The following CTNNA2 variants were observed in gnomAD, a reference collection of about 807,000 sequenced individuals.
CTNNA2 encodes catenin alpha 2, also known as catenin alpha-2.
A neutral mutation model predicts 101.0 loss-of-function variants in CTNNA2; 42 were observed. The ratio of observed to expected loss-of-function variants is 0.42; its 90% CI spans 0.32 to 0.54. The LOEUF is 0.54. Ranked by LOEUF, CTNNA2 falls within the 20% of genes least tolerant of loss-of-function variation. CTNNA2 has a pLI of 0.14. For missense variants in CTNNA2, 871 were observed against 1,223.1 expected, an observed-to-expected ratio of 0.71 and a Z score of 4.29; for synonymous variants, 450 against 456.4, an observed-to-expected ratio of 0.99 and a Z score of 0.18.
chr2:79,634,973 C>T (rs1437755973), intron 1 of CTNNA2, among the ~76,000 whole-genome samples: 2 of 152,016 alleles, frequency 1.3e-5, no homozygotes, highest in Non-Finnish European at 2.9e-5. Context: ...TTCGATGGGA[C>T]AGTGACATGA....
Position 80,303,544 on chromosome 2 carries a change from C to G in CTNNA2, c.1057-89667C>G. 3.7e-6 allele frequency: 6 copies of G among 1,614,248 alleles called. No individual in the cohort carries two copies. The highest frequency in any genetic ancestry group is 4.2e-6 in the Non-Finnish European group (5 of 1,180,050). On this transcript the variant is annotated intron_variant, in intron 7 of 18. Transcript: ENST00000402739. This position sits in a 1 kb window ranked among gnomAD's most constrained non-coding sequence, Gnocchi z 7.7. ...TGTGATTGTGATCCAGATAGAGCCA[C>G]GTGAGCTGCATTAACCCCGTGAACT... is the stretch of plus-strand genomic sequence containing the variant.
intron 12 of CTNNA2, among the ~76,000 whole-genome samples, chr2:80,560,699 G>A (rs866057620): frequency 1.3e-4 from 20 of 152,202 alleles, no homozygotes; most frequent in African/African-American, 4.8e-4. Flanking sequence ...CTTTACATCT[G>A]TTTATTGAGA....
chr2:80,617,924 T>C (rs1454269830), intron 17 of CTNNA2, among the ~76,000 whole-genome samples: 2 of 151,868 alleles, frequency 1.3e-5, no homozygotes, highest in East Asian at 1.9e-4. Flanking sequence ...TTTGAATGTC[T>C]AGGTTTCCTA....
intron 3 of CTNNA2, among the ~76,000 whole-genome samples, chr2:79,844,242 G>A (rs1184453831): frequency 6.6e-6 from 1 of 152,140 alleles, no homozygotes; most frequent in Non-Finnish European, 1.5e-5. Flanking sequence ...AATGAGTCAA[G>A]ATTGAATTGT....
intron 3 of CTNNA2, among the ~76,000 whole-genome samples, chr2:79,845,815 C>A (rs999239778): frequency 6.6e-6 from 1 of 152,142 alleles, no homozygotes; most frequent in African/African-American, 2.4e-5. Context: ...TTTTTATTAG[C>A]TGTGTTTTAT....
chr2:79,339,968 T>C (rs957789254), intron 3 of CTNNA2: 2 of 152,220 alleles, frequency 1.3e-5, no homozygotes, highest in Non-Finnish European at 2.9e-5. Context: ...AGTCTGCAGA[T>C]AGGCTTGCTT....
chr2:79,478,857 G>A (rs1671079580), intron 4 of CTNNA2, among the ~76,000 whole-genome samples: 1 of 152,040 alleles, frequency 6.6e-6, no homozygotes, highest in African/African-American at 2.4e-5. Context: ...TACATCCTTT[G>A]CTCTAACAGA....
chr2:79,418,902 C>T (rs1384977263), intron 4 of CTNNA2, among the ~76,000 whole-genome samples: 1 of 152,004 alleles, frequency 6.6e-6, no homozygotes. Flanking sequence ...TATTAATATA[C>T]ACAGGTTATC....
chr2:80,590,382 G>T (rs1438425516), intron 15 of CTNNA2, among the ~76,000 whole-genome samples: 2 of 152,078 alleles, frequency 1.3e-5, no homozygotes, highest in African/African-American at 4.8e-5. Context: ...AAGAGATAAT[G>T]CAAGTATAAA....
At chr2:80,125,963 G>A (rs185307563) in intron 7 of CTNNA2, among the ~76,000 whole-genome samples, 121 of 152,272 alleles carry the variant, frequency 7.9e-4, no homozygotes, top group African/African-American at 2.9e-3. Flanking sequence ...AAGAATAAAA[G>A]CAATAATGAT....
At chr2:80,158,281 G>A (rs1192577037) in intron 7 of CTNNA2, among the ~76,000 whole-genome samples, 1 of 152,100 alleles carries the variant, frequency 6.6e-6, no homozygotes, top group Non-Finnish European at 1.5e-5. Context: ...CCCTTAAAGA[G>A]TTTTGAAATA....
chr2:79,336,076 C>T (rs10186222), intron 3 of CTNNA2, among the ~76,000 whole-genome samples: 20,077 of 152,184 alleles, frequency 0.13, 1,489 homozygotes, highest in Middle Eastern at 0.21. Flanking sequence ...AATGAGCAAA[C>T]TATGCTTTTT....
chr2:79,488,055 A>G (rs1671174082), intron 4 of CTNNA2, among the ~76,000 whole-genome samples: 1 of 152,072 alleles, frequency 6.6e-6, no homozygotes, highest in African/African-American at 2.4e-5. Context: ...AAAGACAGAC[A>G]GTGTAATCCC....
intron 7 of CTNNA2, among the ~76,000 whole-genome samples, chr2:80,388,361 C>T (rs1677206590): frequency 6.6e-6 from 1 of 152,178 alleles, no homozygotes; most frequent in Non-Finnish European, 1.5e-5. Context: ...TGGCTAAACA[C>T]ATTACAGGGC....
At chr2:80,102,613 A>T (rs1209049766) in intron 7 of CTNNA2, among the ~76,000 whole-genome samples, 1 of 152,104 alleles carries the variant, frequency 6.6e-6, no homozygotes, top group African/African-American at 2.4e-5. Context: ...CCTGGGTTCA[A>T]GTGATTTTCC....
intron 2 of CTNNA2, among the ~76,000 whole-genome samples, chr2:79,660,496 G>A (rs1426984452): frequency 6.6e-6 from 1 of 151,634 alleles, no homozygotes; most frequent in African/African-American, 2.4e-5. Context: ...TATTTTTATT[G>A]TTTTATAAAT....
chr2:80,454,406 C>T (rs1344642463), intron 9 of CTNNA2, among the ~76,000 whole-genome samples: 2 of 152,160 alleles, frequency 1.3e-5, no homozygotes, highest in Admixed American at 1.3e-4. Flanking sequence ...CTTAGCACTT[C>T]GCAAACTGCT....
chr2:80,140,181 G>A (rs139671013), intron 7 of CTNNA2, among the ~76,000 whole-genome samples: 29 of 152,300 alleles, frequency 1.9e-4, no homozygotes, highest in African/African-American at 6.5e-4. Context: ...AGTCAGGCAC[G>A]AAAGTGTTAA....
At chr2:79,707,878 A>G (rs1181342178) in intron 2 of CTNNA2, among the ~76,000 whole-genome samples, 2 of 152,130 alleles carry the variant, frequency 1.3e-5, no homozygotes, top group African/African-American at 2.4e-5. Context: ...CATTGTTTCA[A>G]TGACACTGAA....
Sources: allele counts gnomAD v4.1 joint callset (sites outside exome capture counted in the v4.1 genomes callset), GRCh38; gene constraint gnomAD v4.1.1; non-coding constraint Gnocchi (gnomAD v3.1); transcripts MANE v1.5; gene names NCBI Gene and HGNC (gene_info 2026-07-23, HGNC 2026-07-21).